The following ERCC6L2 variants were observed in gnomAD, a reference collection of about 807,000 sequenced individuals.
ERCC6L2 encodes the protein DNA excision repair protein ERCC-6-like 2.
Under a neutral mutation model 132.0 loss-of-function variants are expected in ERCC6L2, and 77 were observed. The ratio of observed to expected loss-of-function variants is 0.58; its 90% CI spans 0.49 to 0.71. The LOEUF (loss-of-function observed/expected upper bound fraction) is 0.71, where lower values mean the gene tolerates loss of function less well. ERCC6L2 is among the 30% of genes least tolerant of loss of function. The probability of loss-of-function intolerance (pLI) is 0.00; values close to 1 mark genes in which losing one functional copy is unlikely to be tolerated. For missense variants in ERCC6L2, 1,542 were observed against 1,837.6 expected, an observed-to-expected ratio of 0.84 and a Z score of 2.94; for synonymous variants, 583 against 632.4, an observed-to-expected ratio of 0.92 and a Z score of 1.17.
downstream of ERCC6L2, among the ~76,000 whole-genome samples, chr9:96,022,906 C>T (rs1169675916): frequency 1.3e-5 from 2 of 152,194 alleles, no homozygotes; most frequent in Non-Finnish European, 2.9e-5. Context: ...GCTCCACCCT[C>T]TCCCTCCCCC....
At chr9:95,899,953 A>G (rs1828683373) in intron 3 of ERCC6L2, among the ~76,000 whole-genome samples, 1 of 152,170 alleles carries the variant, frequency 6.6e-6, no homozygotes, top group African/African-American at 2.4e-5. Context: ...AGTTGAATCC[A>G]CTGATATGAA....
chr9:95,963,145 G>A (rs1360408783), intron 13 of ERCC6L2, among the ~76,000 whole-genome samples: 1 of 96,126 alleles, frequency 1.0e-5, no homozygotes, highest in Non-Finnish European at 1.9e-5. Context: ...AAGTCATCTC[G>A]TCTGTGTGTG....
In ERCC6L2 at chr9:95,881,304, A is replaced by G. The variant is rs776058239; in HGVS notation, c.471+11A>G. On this transcript the variant is annotated intron_variant, in intron 2 of 18. Coordinates refer to ENST00000653738, the MANE Select transcript of ERCC6L2 (RefSeq NM_020207.7). ...GGAAAAACAGTACAGGTATTTAATT[A>G]TGTTATAACAGTAAAGTCACTTTAC... 1.9e-5 allele frequency: 29 copies of G among 1,533,716 alleles called. 1 individual carries two copies. In the Admixed American group the frequency reaches 6.2e-4, roughly 33 times the overall value.
intron 1 of ERCC6L2, among the ~76,000 whole-genome samples, chr9:95,877,498 G>A (rs938005414): frequency 6.6e-6 from 1 of 151,878 alleles, no homozygotes; most frequent in Admixed American, 6.6e-5. Flanking sequence ...TAGTTTTCTC[G>A]CAAGATATCA....
chr9:95,985,990 CT>C (rs1833081683), intron 17 of ERCC6L2, among the ~76,000 whole-genome samples: 1 of 152,158 alleles, frequency 6.6e-6, no homozygotes. Flanking sequence ...CCTTCCAAGC[CT>C]TTGCTTCTAT....
chr9:95,887,198 G>T (rs1827918670), intron 2 of ERCC6L2, among the ~76,000 whole-genome samples: 1 of 151,978 alleles, frequency 6.6e-6, no homozygotes, highest in East Asian at 1.9e-4. Flanking sequence ...TAAGTGGGTT[G>T]GGGGGGAGAA....
In ERCC6L2 at chr9:96,015,021, T is replaced by TTTTTG; in HGVS notation, c.*1822_*1823insGTTTT. 8.3e-6 allele frequency among the ~76,000 whole-genome samples: 1 copy of TTTTTG among 121,050 alleles called. No homozygotes were observed. The highest frequency in any genetic ancestry group is 1.7e-5 in the Non-Finnish European group (1 of 59,576). The allele number at this position is 121,050 out of a possible 152,430, so 79.4% of individuals were successfully genotyped here. On this transcript the variant is annotated 3_prime_UTR_variant, in exon 19 of 19. Coordinates refer to ENST00000653738, the MANE Select transcript of ERCC6L2 (RefSeq NM_020207.7). ...TAGTCTTCATATATGTACAGTTTTT[T>TTTTTG]TTTTTTTTTTTTTTTTTTTGAGATT... is the stretch of plus-strand genomic sequence containing the variant.
chr9:95,925,831 T>TATA (rs79076008), intron 9 of ERCC6L2, among the ~76,000 whole-genome samples: 18,356 of 152,084 alleles, frequency 0.12, 1,223 homozygotes, highest in African/African-American at 0.16. Flanking sequence ...GAGAAAATAT[T>TATA]AGCAAAACAA....
At chr9:95,891,086 C>T (rs908502813) in intron 2 of ERCC6L2, among the ~76,000 whole-genome samples, 1 of 152,096 alleles carries the variant, frequency 6.6e-6, no homozygotes, top group South Asian at 2.1e-4. Flanking sequence ...GTGGCGCATG[C>T]CTGTAATCCC....
At chr9:95,944,133 G>A (rs904021095) in intron 12 of ERCC6L2, among the ~76,000 whole-genome samples, 3 of 152,150 alleles carry the variant, frequency 2.0e-5, no homozygotes, top group African/African-American at 4.8e-5. Context: ...AATGTCCATC[G>A]ATGGATGAAT....
chr9:96,038,960 A>G (rs1032095000), exon 20 of ERCC6L2: 3 of 456,282 alleles, frequency 6.6e-6, no homozygotes, highest in South Asian at 3.1e-5. Context: ...TGGAGAGCCC[A>G]CATGGGAAGG....
chr9:96,000,892 C>G (rs1007187233), intron 17 of ERCC6L2, among the ~76,000 whole-genome samples: 6 of 152,196 alleles, frequency 3.9e-5, no homozygotes, highest in African/African-American at 1.4e-4. Flanking sequence ...TCACTGACTT[C>G]AAGAATGAAG....
At chr9:96,034,041 C>T (rs1032324867) in intron 19 of ERCC6L2, among the ~76,000 whole-genome samples, 1 of 152,256 alleles carries the variant, frequency 6.6e-6, no homozygotes. Flanking sequence ...GCTCTCCGGT[C>T]ACTGGGAAAC....
chr9:95,907,863 A>ACACACACACACACACC (rs1259450173), intron 4 of ERCC6L2, among the ~76,000 whole-genome samples: 21 of 150,132 alleles, frequency 1.4e-4, no homozygotes, highest in African/African-American at 5.2e-4. Flanking sequence ...ACACCCCCAC[A>ACACACACACACACACC]CCCACACACC....
intron 11 of ERCC6L2, among the ~76,000 whole-genome samples, chr9:95,934,572 A>T (rs1030208234): frequency 3.9e-5 from 6 of 152,070 alleles, no homozygotes; most frequent in Non-Finnish European, 8.8e-5. Context: ...GCTTCCATTT[A>T]AGTGTCAAAA....
chr9:96,024,178 A>G (rs1834331751), intron 19 of ERCC6L2, among the ~76,000 whole-genome samples: 1 of 152,252 alleles, frequency 6.6e-6, no homozygotes, highest in Non-Finnish European at 1.5e-5. Flanking sequence ...GGCTGGCCAT[A>G]GTCTAATTTC....
chr9:95,939,692 AT>A (rs1830711019), intron 11 of ERCC6L2, among the ~76,000 whole-genome samples: 1 of 151,932 alleles, frequency 6.6e-6, no homozygotes, highest in East Asian at 1.9e-4. Flanking sequence ...CTGAGACTCA[AT>A]TTTTTTGTTT....
chr9:95,914,390 T>G (rs1205754141), intron 4 of ERCC6L2, among the ~76,000 whole-genome samples: 1 of 152,108 alleles, frequency 6.6e-6, no homozygotes, highest in Non-Finnish European at 1.5e-5. Context: ...AGTCTTGCTG[T>G]GTCACCAGGC....
intron 11 of ERCC6L2, among the ~76,000 whole-genome samples, chr9:95,936,698 G>A (rs777672755): frequency 4.6e-5 from 7 of 152,144 alleles, no homozygotes; most frequent in Admixed American, 6.5e-5. Context: ...GGATACTGAC[G>A]TTGATACAGT....
Sources: gnomAD v4.1 joint callset for allele counts (sites outside exome capture counted in the v4.1 genomes callset) on GRCh38, gnomAD v4.1.1 for gene constraint, MANE v1.5 for transcripts, NCBI Gene and HGNC (gene_info 2026-07-23, HGNC 2026-07-21) for gene names.